DMD: variants seen among roughly 807,000 people sequenced by gnomAD.
The protein encoded by DMD is dystrophin, also known as mutant dystrophin.
DMD carries 63 observed loss-of-function variants against 330.1 expected under a neutral mutation model. The observed-to-expected ratio is 0.19, with a 90% CI of 0.16 to 0.24. The LOEUF is 0.24. Ranked by LOEUF, DMD falls within the 10% of genes least tolerant of loss-of-function variation. DMD has a pLI of 1.00. For synonymous variants in DMD, 1,223 were observed against 959.8 expected (o/e 1.27, Z -5.07); for missense variants, 3,344 against 2,684.1 (o/e 1.25, Z -5.43).
intron 2 of DMD, among the ~76,000 whole-genome samples, chrX:32,926,080 A>C (rs756090789): frequency 1.8e-5 from 2 of 112,474 alleles, no homozygotes; most frequent in South Asian, 7.4e-4. Flanking sequence ...GATAATGAAA[A>C]TGTGGTCACA....
Position 32,883,618 on chromosome X carries a change from T to C in DMD, c.94-33798A>G, listed in dbSNP as rs186324572. ...GCCAGGTGGATCACGAGGTCAGGAG[T>C]TCGAGACCACCCTGGCTAACACGGT... is the stretch of plus-strand genomic sequence containing the variant. On this transcript the variant is annotated intron_variant, in intron 2 of 78. Coordinates refer to ENST00000357033, the MANE Select transcript of DMD (RefSeq NM_004006.3). Among the ~76,000 whole-genome samples, 369 of 108,512 alleles carry C rather than the reference T, an allele frequency of 3.4e-3. 8 individuals carry two copies. The East Asian group carries it at 0.068, about 20-fold the overall frequency. The allele number at this position is 108,512 out of a possible 115,157, so 94.2% of individuals were successfully genotyped here. A position where few individuals can be genotyped will look rare whatever the true frequency, so the allele number is the denominator to read the frequency against.
At chrX:32,451,641 G>T (rs1467862788) in intron 26 of DMD, among the ~76,000 whole-genome samples, 1 of 110,228 alleles carries the variant, frequency 9.1e-6, no homozygotes, top group Non-Finnish European at 1.9e-5. Flanking sequence ...AACAGAAGGG[G>T]GGGTCTCTAT....
intron 41 of DMD, among the ~76,000 whole-genome samples, chrX:32,332,174 TATTG>T (rs1379367328): frequency 8.9e-5 from 10 of 111,913 alleles, no homozygotes; most frequent in Non-Finnish European, 1.7e-4. Context: ...CTTTATTCAT[TATTG>T]ATTAATTACT....
At chrX:32,115,458 G>A (rs957685279) in intron 44 of DMD, among the ~76,000 whole-genome samples, 7 of 111,079 alleles carry the variant, frequency 6.3e-5, no homozygotes, top group Middle Eastern at 4.6e-3. Flanking sequence ...ACCCAGGCTG[G>A]TCTTGGACTC....
intron 4 of DMD, among the ~76,000 whole-genome samples, chrX:32,830,402 G>A (rs2079062030): frequency 9.0e-6 from 1 of 111,070 alleles, no homozygotes; most frequent in Admixed American, 9.6e-5. Context: ...AAATCTGTGT[G>A]AAGTGAATGA....
chrX:32,951,248 C>A (rs796218456), intron 2 of DMD, among the ~76,000 whole-genome samples: 1 of 111,807 alleles, frequency 8.9e-6, no homozygotes. Flanking sequence ...CACATTTCCC[C>A]AGCCCAGAAG....
chrX:31,845,388 T>C (rs986706515), intron 48 of DMD, among the ~76,000 whole-genome samples: 1 of 44,458 alleles, frequency 2.2e-5, no homozygotes, highest in Non-Finnish European at 4.1e-5. Context: ...TCTCTCTCTC[T>C]CTCTCTCTCT....
At chrX:31,702,921 C>A (rs1037168663) in intron 52 of DMD, among the ~76,000 whole-genome samples, 21 of 104,543 alleles carry the variant, frequency 2.0e-4, no homozygotes, top group Admixed American at 3.1e-4. Context: ...GTGGCACCAT[C>A]TTGGCTCACT....
intron 43 of DMD, among the ~76,000 whole-genome samples, chrX:32,254,651 G>A (rs747485829): frequency 1.8e-5 from 2 of 111,716 alleles, no homozygotes; most frequent in East Asian, 5.7e-4. Context: ...TGTGAAGGGT[G>A]TTTATATCCA....
chrX:31,628,531 G>A (rs994510275), intron 54 of DMD, among the ~76,000 whole-genome samples: 3 of 111,360 alleles, frequency 2.7e-5, no homozygotes, highest in Non-Finnish European at 5.7e-5. Context: ...TAATTATTGT[G>A]TTAGTTTCAT....
chrX:33,193,421 A>T (rs974997747), intron 1 of DMD, among the ~76,000 whole-genome samples: 1 of 112,798 alleles, frequency 8.9e-6, no homozygotes, highest in East Asian at 2.8e-4. Context: ...CCAGATACAT[A>T]AATATTTCAA....
intron 55 of DMD, among the ~76,000 whole-genome samples, chrX:31,558,063 A>G (rs1295087750): frequency 8.9e-6 from 1 of 112,257 alleles, no homozygotes; most frequent in Non-Finnish European, 1.9e-5. Flanking sequence ...AATTTCGCTT[A>G]TAACAATGAC....
chrX:32,803,334 T>A (rs1225856682), intron 7 of DMD, among the ~76,000 whole-genome samples: 1 of 111,602 alleles, frequency 9.0e-6, no homozygotes, highest in African/African-American at 3.3e-5. Context: ...CATTTTTTAC[T>A]GTGTCTATTT....
intron 13 of DMD, among the ~76,000 whole-genome samples, chrX:32,589,593 T>C (rs935539493): frequency 1.2e-4 from 13 of 111,464 alleles, no homozygotes; most frequent in Non-Finnish European, 2.1e-4. Flanking sequence ...TACATTTATA[T>C]ATATTTACAT....
At chrX:31,392,151 C>T (rs1044588438) in intron 60 of DMD, among the ~76,000 whole-genome samples, 3 of 112,178 alleles carry the variant, frequency 2.7e-5, no homozygotes, top group African/African-American at 9.7e-5. Flanking sequence ...GCTTCTGAAA[C>T]ATGACAAGAA....
chrX:32,116,375 A>G (rs944592974), intron 44 of DMD, among the ~76,000 whole-genome samples: 4 of 112,450 alleles, frequency 3.6e-5, no homozygotes, highest in Non-Finnish European at 7.5e-5. Context: ...TCATATGTGT[A>G]TGCATATAAT....
At chrX:32,460,713 A>G (rs1323062363) in intron 25 of DMD, among the ~76,000 whole-genome samples, 1 of 110,516 alleles carries the variant, frequency 9.0e-6, no homozygotes, top group African/African-American at 3.3e-5. Flanking sequence ...AGTTCCTACT[A>G]CTCGGGTATC....
chrX:33,002,393 T>C (rs1230351301), intron 2 of DMD, among the ~76,000 whole-genome samples: 1 of 111,016 alleles, frequency 9.0e-6, no homozygotes, highest in East Asian at 2.9e-4. Flanking sequence ...AAAGAAAATC[T>C]TCTGGGGTCC....
At chrX:32,583,360 A>G (rs752204802) in intron 13 of DMD, among the ~76,000 whole-genome samples, 2 of 111,226 alleles carry the variant, frequency 1.8e-5, no homozygotes, top group Non-Finnish European at 3.8e-5. Flanking sequence ...TTAGCCAGGC[A>G]TGATGGTGGG....
Sources: gnomAD v4.1 joint callset for allele counts (sites outside exome capture counted in the v4.1 genomes callset) on GRCh38, gnomAD v4.1.1 for gene constraint, MANE v1.5 for transcripts, NCBI Gene and HGNC (gene_info 2026-07-23, HGNC 2026-07-21) for gene names.